Variants in JAKMIP3 observed in about 807,000 individuals in gnomAD.
JAKMIP3 encodes the protein janus kinase and microtubule-interacting protein 3.
JAKMIP3 carries 58 observed loss-of-function variants against 118.5 expected under a neutral mutation model. The observed-to-expected ratio is 0.49, with a 90% CI of 0.40 to 0.61. The LOEUF (loss-of-function observed/expected upper bound fraction) is 0.61. Among genes scored for constraint, JAKMIP3 ranks in the 20% least tolerant of loss-of-function variants. The pLI, the probability that JAKMIP3 is intolerant of heterozygous loss-of-function variation, is 0.00. For synonymous variants in JAKMIP3, 486 were observed against 451.2 expected (o/e 1.08, Z -0.98); for missense variants, 950 against 1,109.0 (o/e 0.86, Z 2.04).
chr10:132,158,541 G>A (rs1219121688), intron 19 of JAKMIP3, among the ~76,000 whole-genome samples: 1 of 152,252 alleles, frequency 6.6e-6, no homozygotes, highest in East Asian at 1.9e-4. Context: ...GACCAGTGGG[G>A]AGGCACATGG....
chr10:132,121,037 CG>C, intron 3 of JAKMIP3, among the ~76,000 whole-genome samples: 1 of 151,982 alleles, frequency 6.6e-6, no homozygotes, highest in Non-Finnish European at 1.5e-5. Flanking sequence ...GAGAGGGACT[CG>C]GAACAGGGCT....
chr10:132,134,054 G>T (rs991033843), intron 4 of JAKMIP3, among the ~76,000 whole-genome samples: 1 of 152,256 alleles, frequency 6.6e-6, no homozygotes, highest in African/African-American at 2.4e-5. Flanking sequence ...TCCTCCCTGG[G>T]CCGCTCTGTC....
chr10:132,114,142 GC>G (rs1332244931), intron 2 of JAKMIP3, among the ~76,000 whole-genome samples: 1 of 152,258 alleles, frequency 6.6e-6, no homozygotes, highest in Non-Finnish European at 1.5e-5. Context: ...TCCAGCCTAG[GC>G]CACCTGACTC....
chr10:132,139,289 C>T (rs545258484), intron 9 of JAKMIP3, among the ~76,000 whole-genome samples: 2 of 116,622 alleles, frequency 1.7e-5, no homozygotes, highest in East Asian at 6.2e-4. Flanking sequence ...AGTGTATATG[C>T]ATCTGTGTAT....
At chr10:132,180,770 CGTGTGTGT>C (rs1272261097) in intron 23 of JAKMIP3, among the ~76,000 whole-genome samples, 1 of 52,202 alleles carries the variant, frequency 1.9e-5, no homozygotes, top group African/African-American at 1.2e-4. Flanking sequence ...CGTGTGTGTG[CGTGTGTGT>C]GTGTGCGCGT....
intron 3 of JAKMIP3, among the ~76,000 whole-genome samples, chr10:132,122,322 C>T (rs1289107113): frequency 1.3e-5 from 2 of 152,210 alleles, no homozygotes; most frequent in East Asian, 1.9e-4. Context: ...CTGTCGGGGC[C>T]CTGACTGCCA....
At chr10:132,140,047 A>G (rs886895571) in intron 9 of JAKMIP3, among the ~76,000 whole-genome samples, 3 of 152,122 alleles carry the variant, frequency 2.0e-5, no homozygotes, top group African/African-American at 7.2e-5. Flanking sequence ...TTGTATTCCA[A>G]TCAGTCAAGG....
At chr10:132,156,990 C>G (rs1375872780) in intron 19 of JAKMIP3, among the ~76,000 whole-genome samples, 1 of 152,158 alleles carries the variant, frequency 6.6e-6, no homozygotes, top group African/African-American at 2.4e-5. Context: ...TGTGGGCATT[C>G]TGGTTTCTCT....
chr10:132,165,160 C>T (rs1205506082), intron 21 of JAKMIP3, among the ~76,000 whole-genome samples: 2 of 152,222 alleles, frequency 1.3e-5, no homozygotes, highest in African/African-American at 4.8e-5. Flanking sequence ...TCAGAAGCAC[C>T]CGTTGACGTG....
intron 1 of JAKMIP3, among the ~76,000 whole-genome samples, chr10:132,056,940 G>C (rs375795816): frequency 5.9e-5 from 9 of 152,126 alleles, no homozygotes; most frequent in African/African-American, 2.2e-4. Flanking sequence ...TCCCGCCCTG[G>C]GTTCCAGGTC....
At position 132,069,582 on chromosome 10, in the gene JAKMIP3, C is replaced by G. The variant is rs188189233; in HGVS notation, c.-138+3521C>G. Among the ~76,000 whole-genome samples the G allele has an allele frequency of 1.2e-3, 179 of 152,182 alleles. 1 individual carries two copies. Among genetic ancestry groups the G allele is most frequent in the Middle Eastern group, 6.8e-3 (2 of 294 alleles). On this transcript the variant is annotated intron_variant, in intron 1 of 23. Transcript: ENST00000684848. Reference sequence around the variant, plus strand: ...CTCACATGTAGGTCTGGCATCCCCCCCTGCGTGCAGGTCTCTGTGGTCAAC... The same window carrying G: ...CTCACATGTAGGTCTGGCATCCCCCGCTGCGTGCAGGTCTCTGTGGTCAAC...
In JAKMIP3 at chr10:132,182,603, A is replaced by G. The variant is rs952521354; in HGVS notation, c.*1350A>G. On this transcript the variant is annotated 3_prime_UTR_variant, in exon 24 of 24. Transcript: ENST00000684848. ...CGTTTATGCATGTTTTCACGCAACC[A>G]GAAGAGCCATTCGTGGGATTTAGCC... The G allele has an allele frequency of 3.9e-5, 6 of 152,372 alleles. No homozygotes were observed. The highest frequency in any genetic ancestry group is 1.9e-4 in the East Asian group (1 of 5,184). The allele number at this position is 152,372 out of a possible 1,614,324, so 9.4% of individuals were successfully genotyped here.
At chr10:132,093,944 T>TTG (rs1426546308) in intron 1 of JAKMIP3, among the ~76,000 whole-genome samples, 7 of 147,788 alleles carry the variant, frequency 4.7e-5, no homozygotes, top group African/African-American at 1.8e-4. Flanking sequence ...TTTTTTTTTT[T>TTG]TTTTTTTTGA....
chr10:132,100,576 T>C (rs9419363), intron 1 of JAKMIP3, among the ~76,000 whole-genome samples: 106,291 of 151,872 alleles, frequency 0.7, 37,526 homozygotes, highest in East Asian at 0.92. Context: ...TCATGAAACC[T>C]AGCAGCCACC....
intron 1 of JAKMIP3, among the ~76,000 whole-genome samples, chr10:132,097,897 TTCCCCTTCCCCTTC>T (rs2044134652): frequency 3.3e-5 from 2 of 60,002 alleles, no homozygotes; most frequent in Non-Finnish European, 7.7e-5. Flanking sequence ...TCCCTTCCCC[TTCCCCTTCCCCTTC>T]CCCTTCCCCT....
At chr10:132,063,539 G>A (rs930816353), upstream of JAKMIP3, among the ~76,000 whole-genome samples, 14 of 152,320 alleles carry the variant, frequency 9.2e-5, no homozygotes, top group East Asian at 3.9e-4. Flanking sequence ...GCTATTTAAA[G>A]AGCAGGCTGC....
intron 14 of JAKMIP3, among the ~76,000 whole-genome samples, chr10:132,148,931 C>T (rs117568538): frequency 0.016 from 2,429 of 152,342 alleles, 28 homozygotes; most frequent in Non-Finnish European, 0.025. Context: ...TCTGCCCGTC[C>T]ACTGCCGGAG....
chr10:132,108,008 G>T (rs1232697813), intron 2 of JAKMIP3, among the ~76,000 whole-genome samples: 1 of 152,204 alleles, frequency 6.6e-6, no homozygotes, highest in Non-Finnish European at 1.5e-5. Flanking sequence ...AGTTGGGTCC[G>T]GGCAGAGTCC....
intron 19 of JAKMIP3, among the ~76,000 whole-genome samples, chr10:132,159,770 G>A (rs1413074529): frequency 2.9e-5 from 1 of 33,910 alleles, no homozygotes. Flanking sequence ...GTGTGATACT[G>A]GGGGGTCTCT....
Sources: allele counts gnomAD v4.1 joint callset (sites outside exome capture counted in the v4.1 genomes callset), GRCh38; gene constraint gnomAD v4.1.1; transcripts MANE v1.5; gene names NCBI Gene and HGNC (gene_info 2026-07-23, HGNC 2026-07-21).